The following LUZP2 variants were observed in gnomAD, a reference collection of about 807,000 sequenced individuals.
LUZP2 encodes leucine zipper protein 2.
Under a neutral mutation model 51.6 loss-of-function variants are expected in LUZP2, and 52 were observed. The observed-to-expected ratio is 1.01, with a 90% CI of 0.81 to 1.27. The LOEUF (loss-of-function observed/expected upper bound fraction) is 1.27. LUZP2 is among the 50% of genes most tolerant of loss of function. LUZP2 has a pLI of 0.00. For synonymous variants in LUZP2, 154 were observed against 137.3 expected (o/e 1.12, Z -0.85); for missense variants, 436 against 395.4 (o/e 1.10, Z -0.87).
chr11:24,587,256 A>G (rs193061927), intron 1 of LUZP2, among the ~76,000 whole-genome samples: 1 of 152,278 alleles, frequency 6.6e-6, no homozygotes, highest in East Asian at 1.9e-4. Context: ...AGGACCCAGA[A>G]AGCCTTGGAG....
chr11:24,690,142 A>G (rs936106251), intron 1 of LUZP2, among the ~76,000 whole-genome samples: 1 of 152,104 alleles, frequency 6.6e-6, no homozygotes, highest in Non-Finnish European at 1.5e-5. Context: ...AATTTTTATA[A>G]GATTTTAATT....
intron 1 of LUZP2, among the ~76,000 whole-genome samples, chr11:24,718,314 G>T (rs1858133339): frequency 6.6e-6 from 1 of 152,204 alleles, no homozygotes; most frequent in Non-Finnish European, 1.5e-5. Context: ...TCACAGGCCT[G>T]AGAGAAGGTG....
intron 5 of LUZP2, among the ~76,000 whole-genome samples, chr11:24,888,845 G>A (rs998708223): frequency 6.6e-6 from 1 of 151,974 alleles, no homozygotes; most frequent in Non-Finnish European, 1.5e-5. Context: ...TTTGTAAGGG[G>A]CTCTTCCCAC....
intron 1 of LUZP2, among the ~76,000 whole-genome samples, chr11:24,579,492 A>T (rs1193420945): frequency 6.6e-6 from 1 of 152,080 alleles, no homozygotes; most frequent in Non-Finnish European, 1.5e-5. Flanking sequence ...ACAATTGCAA[A>T]GGACAAAATT....
intron 9 of LUZP2, among the ~76,000 whole-genome samples, chr11:25,040,807 A>C (rs985598464): frequency 6.6e-6 from 1 of 152,200 alleles, no homozygotes; most frequent in Non-Finnish European, 1.5e-5. Flanking sequence ...AATTAAATGA[A>C]GTCAGTTAAA....
chr11:24,555,845 G>C (rs1564988304), intron 1 of LUZP2, among the ~76,000 whole-genome samples: 1 of 152,096 alleles, frequency 6.6e-6, no homozygotes. Context: ...TGGGCATAAT[G>C]GTGTGCGCCT....
intron 7 of LUZP2, among the ~76,000 whole-genome samples, chr11:24,963,746 G>A (rs1018033509): frequency 4.6e-5 from 7 of 152,170 alleles, no homozygotes; most frequent in African/African-American, 7.2e-5. Context: ...ACCCTGCTTC[G>A]GCTCGTGCAC....
intron 1 of LUZP2, among the ~76,000 whole-genome samples, chr11:24,572,597 A>C (rs1453527269): frequency 6.6e-6 from 1 of 152,044 alleles, no homozygotes; most frequent in Non-Finnish European, 1.5e-5. Context: ...CATATGTAAA[A>C]CTACTCTGTG....
chr11:24,659,210 G>T (rs536643272), intron 1 of LUZP2, among the ~76,000 whole-genome samples: 1 of 152,142 alleles, frequency 6.6e-6, no homozygotes, highest in East Asian at 1.9e-4. Context: ...AGAAAATGTG[G>T]CACATATACA....
intron 5 of LUZP2, among the ~76,000 whole-genome samples, chr11:24,896,351 G>A (rs1319195485): frequency 1.3e-5 from 2 of 152,160 alleles, no homozygotes; most frequent in African/African-American, 4.8e-5. Context: ...GTTCTGGGTG[G>A]GCGGGGCCTC....
At chr11:24,982,388 T>A (rs1008486764) in intron 8 of LUZP2, among the ~76,000 whole-genome samples, 4 of 151,694 alleles carry the variant, frequency 2.6e-5, no homozygotes, top group African/African-American at 9.7e-5. Flanking sequence ...ATTGGATAAA[T>A]AATATGTGAC....
intron 5 of LUZP2, among the ~76,000 whole-genome samples, chr11:24,804,459 C>G (rs985913811): frequency 1.3e-5 from 2 of 152,002 alleles, no homozygotes; most frequent in African/African-American, 4.8e-5. Flanking sequence ...GACACAGGAG[C>G]CTTCATAAAC....
chr11:24,919,816 G>A (rs1238155087), intron 7 of LUZP2, among the ~76,000 whole-genome samples: 1 of 150,882 alleles, frequency 6.6e-6, no homozygotes, highest in Non-Finnish European at 1.5e-5. Flanking sequence ...TAGTACAGGT[G>A]ATTTTCAAAA....
intron 1 of LUZP2, among the ~76,000 whole-genome samples, chr11:24,516,856 C>T (rs1219153018): frequency 6.6e-6 from 1 of 152,136 alleles, no homozygotes; most frequent in Non-Finnish European, 1.5e-5. Context: ...ACTTATGTCC[C>T]ATAATCACAT....
intron 9 of LUZP2, among the ~76,000 whole-genome samples, chr11:25,026,538 A>G (rs112102609): frequency 3.1e-5 from 2 of 64,000 alleles, no homozygotes; most frequent in Admixed American, 2.2e-4. Flanking sequence ...AAATGTGATT[A>G]TTTTTTTCTA....
At chr11:24,971,605 C>G (rs889341543) in intron 7 of LUZP2, among the ~76,000 whole-genome samples, 3 of 152,004 alleles carry the variant, frequency 2.0e-5, no homozygotes, top group African/African-American at 7.2e-5. Context: ...TGTAACAAAT[C>G]TGCACACGTA....
chr11:24,572,053 A>T (rs1662103714), intron 1 of LUZP2, among the ~76,000 whole-genome samples: 1 of 151,970 alleles, frequency 6.6e-6, no homozygotes, highest in African/African-American at 2.4e-5. Flanking sequence ...GTGGAGCATA[A>T]AATAATCATT....
At chr11:24,656,654 T>C (rs1298350557) in intron 1 of LUZP2, among the ~76,000 whole-genome samples, 1 of 152,202 alleles carries the variant, frequency 6.6e-6, no homozygotes. Flanking sequence ...TGTAGAACTA[T>C]GGTCCTTGTT....
At chr11:24,676,783 C>T (rs1309829861) in intron 1 of LUZP2, among the ~76,000 whole-genome samples, 1 of 152,060 alleles carries the variant, frequency 6.6e-6, no homozygotes, top group Non-Finnish European at 1.5e-5. Flanking sequence ...CCTGCCTCAG[C>T]CTCCCAAGTA....
Sources: gnomAD v4.1 joint callset for allele counts (sites outside exome capture counted in the v4.1 genomes callset) on GRCh38, gnomAD v4.1.1 for gene constraint, MANE v1.5 for transcripts, NCBI Gene and HGNC (gene_info 2026-07-23, HGNC 2026-07-21) for gene names.